OLFM2: variants seen among roughly 807,000 people sequenced by gnomAD.
The protein encoded by OLFM2 is olfactomedin 2, also known as noelin-2.
Under a neutral mutation model 43.9 loss-of-function variants are expected in OLFM2, and 20 were observed. That is an observed-to-expected ratio of 0.46 (90% confidence interval 0.32 to 0.66). The LOEUF is 0.66. Ranked by LOEUF, OLFM2 falls within the 30% of genes least tolerant of loss-of-function variation. OLFM2 has a pLI of 0.04. For missense variants in OLFM2, 416 were observed against 643.6 expected, an observed-to-expected ratio of 0.65 and a Z score of 3.83; for synonymous variants, 268 against 278.6, an observed-to-expected ratio of 0.96 and a Z score of 0.38.
intron 1 of OLFM2, among the ~76,000 whole-genome samples, chr19:9,901,027 GA>G (rs1453055740): frequency 2.0e-5 from 1 of 50,130 alleles, no homozygotes; most frequent in African/African-American, 8.8e-5. Context: ...GGAAGGGAGG[GA>G]AGGAAGCGGG....
chr19:9,914,215 G>A (rs924546215), intron 1 of OLFM2, among the ~76,000 whole-genome samples: 44 of 152,122 alleles, frequency 2.9e-4, no homozygotes, highest in Admixed American at 2.1e-3. Flanking sequence ...GACGGCAGGG[G>A]GCCGGAGTCG....
At chr19:9,882,889 CCTAT>C (rs1277549137) in intron 1 of OLFM2, among the ~76,000 whole-genome samples, 6 of 149,616 alleles carry the variant, frequency 4.0e-5, no homozygotes, top group East Asian at 3.9e-4. Flanking sequence ...AGAGCAAGAC[CCTAT>C]CTATTAAAAA....
chr19:9,898,729 G>C (rs1021719560), intron 1 of OLFM2, among the ~76,000 whole-genome samples: 1 of 152,058 alleles, frequency 6.6e-6, no homozygotes. Context: ...CGCCATTTCT[G>C]TGTTCCTCTC....
At chr19:9,891,751 G>A (rs913365211) in intron 1 of OLFM2, among the ~76,000 whole-genome samples, 6 of 152,178 alleles carry the variant, frequency 3.9e-5, no homozygotes, top group African/African-American at 1.4e-4. Context: ...AACCCTCTGA[G>A]ACTTGGGGGC....
rs1450771036 is a variant in OLFM2 at position 9,856,328 on chromosome 19, C to T, written c.687+479G>A. ...GGTCAGGCTGGTCTCGAACTCCCGA[C>T]CTCAGGTGATCCGCCCACCTCAGCC... is the stretch of plus-strand genomic sequence containing the variant. On this transcript the variant is annotated intron_variant, in intron 5 of 5. Coordinates refer to ENST00000264833, the MANE Select transcript of OLFM2 (RefSeq NM_058164.4). The surrounding 1 kb of genome is among the most constrained non-coding windows in gnomAD (Gnocchi z 4.0). 6.6e-6 allele frequency among the ~76,000 whole-genome samples: 1 copy of T among 151,952 alleles called. No individual in the cohort carries two copies. Among genetic ancestry groups the T allele is most frequent in the African/African-American group, 2.4e-5 (1 of 41,332 alleles).
intron 2 of OLFM2, among the ~76,000 whole-genome samples, chr19:9,859,985 T>TA (rs372418225): frequency 1.3e-5 from 2 of 151,546 alleles, no homozygotes; most frequent in Admixed American, 6.6e-5. Flanking sequence ...CTGCTAAAAA[T>TA]AAAAAAATTA....
At chr19:9,900,560 C>T (rs913892594) in intron 1 of OLFM2, among the ~76,000 whole-genome samples, 5 of 151,856 alleles carry the variant, frequency 3.3e-5, no homozygotes, top group African/African-American at 1.2e-4. Flanking sequence ...TGCATTGCCC[C>T]CCATACTTAG....
Position 9,853,987 on chromosome 19 carries a change from CA to C in OLFM2, c.*198del, listed in dbSNP as rs927433874. On this transcript the variant is annotated 3_prime_UTR_variant, in exon 6 of 6. Transcript: ENST00000264833. ...AAAGAAAGAAGTGGTGTATTAAAAG[CA>C]GAGATCAATAAAGGAGAAGAGGGGA... The C allele has an allele frequency of 3.3e-6, 2 of 597,620 alleles. No homozygotes were observed. The highest frequency in any genetic ancestry group is 3.7e-5 in the African/African-American group (2 of 53,642). The allele number at this position is 597,620 out of a possible 1,614,324, so 37.0% of individuals were successfully genotyped here.
At chr19:9,874,771 G>A (rs1032432721) in intron 1 of OLFM2, among the ~76,000 whole-genome samples, 6 of 152,092 alleles carry the variant, frequency 3.9e-5, no homozygotes, top group Admixed American at 1.3e-4. Flanking sequence ...ATGAGCCACC[G>A]CACCCAGTCT....
Position 9,856,822 on chromosome 19 carries a change from G to A in OLFM2, c.672C>T (p.Pro224=). The A allele has an allele frequency of 1.9e-6, 3 of 1,613,308 alleles. No individual in the cohort carries two copies. The highest frequency in any genetic ancestry group is 2.5e-6 in the Non-Finnish European group (3 of 1,179,678). The change falls in exon 5 of 6, where the codon CCC becomes CCT. Residue 224 remains proline (P), a synonymous_variant. Coordinates refer to ENST00000264833, the MANE Select transcript of OLFM2 (RefSeq NM_058164.4). This position sits in a 1 kb window ranked among gnomAD's most constrained non-coding sequence, Gnocchi z 4.0. ...FGSWMTDTMA[P]SADSRVWYMD... ...AGTCACTCACCCGGCTATCCGCACT[G>A]GGGGCCATCGTGTCAGTCATCCAGG...
chr19:9,872,816 A>G (rs149840268), intron 1 of OLFM2, among the ~76,000 whole-genome samples: 18 of 151,438 alleles, frequency 1.2e-4, no homozygotes, highest in African/African-American at 3.6e-4. Context: ...TCATCCATTC[A>G]CTCGTATTCA....
At chr19:9,891,617 A>C (rs1237803727) in intron 1 of OLFM2, among the ~76,000 whole-genome samples, 1 of 142,042 alleles carries the variant, frequency 7.0e-6, no homozygotes, top group South Asian at 2.3e-4. Context: ...ACTCCATCTC[A>C]AAAAAAAAAA....
intron 1 of OLFM2, among the ~76,000 whole-genome samples, chr19:9,871,671 T>C (rs1281326534): frequency 2.0e-5 from 3 of 151,794 alleles, no homozygotes; most frequent in African/African-American, 7.3e-5. Context: ...CAGTCTACAC[T>C]GGCTTGCGGC....
At chr19:9,896,572 G>A (rs2144970409) in intron 1 of OLFM2, among the ~76,000 whole-genome samples, 1 of 152,248 alleles carries the variant, frequency 6.6e-6, no homozygotes, top group African/African-American at 2.4e-5. Context: ...GCCTTGCAAG[G>A]CCTTCTTTAG....
chr19:9,894,358 C>G (rs1042663927), intron 1 of OLFM2, among the ~76,000 whole-genome samples: 1 of 146,026 alleles, frequency 6.8e-6, no homozygotes, highest in Non-Finnish European at 1.5e-5. Flanking sequence ...GCCTGGGCAA[C>G]AGAGTGAGAC....
chr19:9,912,894 C>G (rs1423028401), intron 1 of OLFM2, among the ~76,000 whole-genome samples: 1 of 151,478 alleles, frequency 6.6e-6, no homozygotes, highest in Non-Finnish European at 1.5e-5. Context: ...AAATTCTCAG[C>G]GCCACAGAGA....
rs572532832 is a variant in OLFM2, at chr19:9,871,282, T to C, written c.64-10488A>G. Reference sequence around the variant, plus strand: ...CGAGATCCTGTCTAAAAAAAAAAATTATATAAAATTCCGGGTGCTGTGGCT... The same window carrying C: ...CGAGATCCTGTCTAAAAAAAAAAATCATATAAAATTCCGGGTGCTGTGGCT... On this transcript the variant is annotated intron_variant, in intron 1 of 5. Coordinates refer to ENST00000264833, the MANE Select transcript of OLFM2 (RefSeq NM_058164.4). Among the ~76,000 whole-genome samples the C allele has an allele frequency of 3.8e-3, 517 of 135,910 alleles. 3 individuals carry two copies. Among genetic ancestry groups the C allele is most frequent in the African/African-American group, 0.014 (488 of 35,822 alleles). The allele number at this position is 135,910 out of a possible 152,430, so 89.2% of individuals were successfully genotyped here.
At chr19:9,904,818 G>A (rs2046771253) in intron 1 of OLFM2, among the ~76,000 whole-genome samples, 2 of 151,902 alleles carry the variant, frequency 1.3e-5, no homozygotes, top group South Asian at 2.1e-4. Flanking sequence ...ACAGGAGTTT[G>A]AGACCAGCCT....
chr19:9,865,463 C>T (rs2046393573), intron 1 of OLFM2, among the ~76,000 whole-genome samples: 1 of 147,342 alleles, frequency 6.8e-6, no homozygotes, highest in Non-Finnish European at 1.5e-5. Flanking sequence ...AGGCATGAGT[C>T]ACTGTTACCT....
Sources: allele counts gnomAD v4.1 joint callset (sites outside exome capture counted in the v4.1 genomes callset), GRCh38; gene constraint gnomAD v4.1.1; non-coding constraint Gnocchi (gnomAD v3.1); transcripts MANE v1.5; gene names NCBI Gene and HGNC (gene_info 2026-07-23, HGNC 2026-07-21).